SGCD: variants seen among roughly 807,000 people sequenced by gnomAD.
SGCD encodes the protein sarcoglycan delta, also known as delta-sarcoglycan.
Under a neutral mutation model 36.6 loss-of-function variants are expected in SGCD, and 18 were observed. That is an observed-to-expected ratio of 0.49 (90% CI 0.34 to 0.73). The LOEUF is 0.73. SGCD is among the 30% of genes least tolerant of loss of function. The pLI is 0.01. For synonymous variants in SGCD, 133 were observed against 130.6 expected, an observed-to-expected ratio of 1.02 and a Z score of -0.12; for missense variants, 387 against 346.7, an observed-to-expected ratio of 1.12 and a Z score of -0.92.
chr5:156,444,889 A>T (rs954861251), intron 3 of SGCD, among the ~76,000 whole-genome samples: 1 of 152,182 alleles, frequency 6.6e-6, no homozygotes, highest in Non-Finnish European at 1.5e-5. Flanking sequence ...AAAGACACTA[A>T]ATGGGATAGA....
the SGCD span, among the ~76,000 whole-genome samples, chr5:155,733,592 A>G: frequency 6.6e-6 from 1 of 151,872 alleles, no homozygotes; most frequent in African/African-American, 2.4e-5. Flanking sequence ...AAACCAAGGA[A>G]TACCTTATAT....
At position 156,444,101 on chromosome 5, in the gene SGCD, TCTCTCTCTCTCTCTCC is replaced by T. The variant is rs1259477002; in HGVS notation, c.193-64498_193-64483del. Among the ~76,000 whole-genome samples the T allele has an allele frequency of 7.3e-3, 821 of 112,400 alleles. 29 individuals are homozygous for T. Among genetic ancestry groups the T allele is most frequent in the African/African-American group, 0.033 (751 of 22,532 alleles). The allele number at this position is 112,400 out of a possible 152,430, so 73.7% of individuals were successfully genotyped here. ...CTCTCTCTCTCTCTCTCTCTCTCTC[TCTCTCTCTCTCTCTCC>T]CCTTCCCTCTCTCTCTCTCTCCTTC... On this transcript the variant is annotated intron_variant, in intron 3 of 8. Transcript: ENST00000337851.
At chr5:156,314,893 T>A (rs1767475358) in intron 3 of SGCD, among the ~76,000 whole-genome samples, 1 of 152,000 alleles carries the variant, frequency 6.6e-6, no homozygotes, top group African/African-American at 2.4e-5. Context: ...TTCAGTTACA[T>A]TACTTTTTCC....
At chr5:156,369,727 G>A (rs1033139171) in intron 3 of SGCD, among the ~76,000 whole-genome samples, 8 of 152,208 alleles carry the variant, frequency 5.3e-5, no homozygotes, top group South Asian at 2.1e-4. Flanking sequence ...TGCAAACTCC[G>A]GACAGTCAGT....
At chr5:156,568,843 G>T (rs376687742) in intron 4 of SGCD, among the ~76,000 whole-genome samples, 1 of 152,188 alleles carries the variant, frequency 6.6e-6, no homozygotes, top group Non-Finnish European at 1.5e-5. Context: ...ATTGAACTAC[G>T]CATTGCTAAT....
chr5:156,508,803 G>A lies in SGCD; in HGVS notation c.294+101G>A, dbSNP rs554357213. The A allele has an allele frequency of 5.7e-4, 358 of 629,900 alleles. 8 individuals carry two copies. The South Asian group carries it at 8.7e-3, about 15-fold the overall frequency. 39.0% of individuals were successfully genotyped at this position (629,900 alleles called of 1,614,324 possible). A position where few individuals can be genotyped will look rare whatever the true frequency, so the allele number is the denominator to read the frequency against. On this transcript the variant is annotated intron_variant, in intron 4 of 8. Coordinates refer to ENST00000337851, the MANE Select transcript of SGCD (RefSeq NM_000337.6). The stretch of plus-strand genomic sequence containing the variant: ...GCTGAGTACAGAGAATTGGGGTGGG[G>A]AGTAATACTGGTATTAAGATGAATT...
chr5:155,860,046 A>G, the SGCD span, among the ~76,000 whole-genome samples: 1 of 152,200 alleles, frequency 6.6e-6, no homozygotes, highest in Non-Finnish European at 1.5e-5. Context: ...CTGTAAATAC[A>G]GTGCTCTTTG....
At chr5:156,033,046 C>T (rs556777027) in intron 1 of SGCD, among the ~76,000 whole-genome samples, 15 of 151,968 alleles carry the variant, frequency 9.9e-5, no homozygotes, top group African/African-American at 2.2e-4. Context: ...CACCATACTC[C>T]AGCCTGGGAG....
intron 3 of SGCD, among the ~76,000 whole-genome samples, chr5:156,302,926 G>T (rs2127685449): frequency 6.6e-6 from 1 of 152,320 alleles, no homozygotes; most frequent in East Asian, 1.9e-4. Flanking sequence ...CCCAAAGTCA[G>T]CATAGTACTA....
At chr5:156,694,874 C>A (rs1259383729) in intron 7 of SGCD, among the ~76,000 whole-genome samples, 2 of 152,026 alleles carry the variant, frequency 1.3e-5, no homozygotes, top group African/African-American at 2.4e-5. Context: ...TGGTGCTACA[C>A]CAAAACAACC....
At chr5:156,159,979 G>A (rs1276644421) in intron 3 of SGCD, among the ~76,000 whole-genome samples, 2 of 151,540 alleles carry the variant, frequency 1.3e-5, no homozygotes, top group Non-Finnish European at 2.9e-5. Context: ...GAGTTTGAAA[G>A]AAAATAGCAA....
chr5:156,651,495 T>A (rs1763458204), intron 7 of SGCD, among the ~76,000 whole-genome samples: 2 of 152,074 alleles, frequency 1.3e-5, no homozygotes. Context: ...AAGGTAGGAG[T>A]CCAGTTTTAT....
At chr5:156,485,318 G>T (rs762797759) in intron 3 of SGCD, among the ~76,000 whole-genome samples, 47 of 152,214 alleles carry the variant, frequency 3.1e-4, no homozygotes, top group Middle Eastern at 3.4e-3. Flanking sequence ...AAAGTATATA[G>T]AGAGAGCCAT....
chr5:155,975,285 A>G (rs1251184762), intron 1 of SGCD, among the ~76,000 whole-genome samples: 2 of 152,132 alleles, frequency 1.3e-5, no homozygotes, highest in Admixed American at 6.5e-5. Context: ...GTGATTAAAT[A>G]ACTTGCCTAA....
intron 1 of SGCD, among the ~76,000 whole-genome samples, chr5:155,906,337 C>T (rs1433454469): frequency 8.5e-5 from 13 of 152,050 alleles, no homozygotes; most frequent in Admixed American, 8.5e-4. Context: ...ACAGTGTCCT[C>T]TAAGTATTCA....
chr5:155,751,964 G>A, the SGCD span, among the ~76,000 whole-genome samples: 1 of 152,242 alleles, frequency 6.6e-6, no homozygotes, highest in Middle Eastern at 3.4e-3. Context: ...GACTGTTTGT[G>A]TATGCTAAAC....
At chr5:155,788,682 C>T in the SGCD span, among the ~76,000 whole-genome samples, 10 of 152,128 alleles carry the variant, frequency 6.6e-5, no homozygotes, top group South Asian at 2.1e-4. Context: ...GCCTTTTAAG[C>T]GTATGCCAAG....
intron 1 of SGCD, among the ~76,000 whole-genome samples, chr5:156,004,080 TAAG>T (rs1315100413): frequency 6.6e-6 from 1 of 152,180 alleles, no homozygotes; most frequent in African/African-American, 2.4e-5. Flanking sequence ...AGAAGAAAAT[TAAG>T]AAATTCTCTT....
intron 7 of SGCD, among the ~76,000 whole-genome samples, chr5:156,648,063 C>A (rs1436226590): frequency 1.3e-5 from 2 of 152,048 alleles, no homozygotes; most frequent in East Asian, 1.9e-4. Flanking sequence ...GTACTCACCA[C>A]CAGCAACTAA....
Sources: allele counts gnomAD v4.1 joint callset (sites outside exome capture counted in the v4.1 genomes callset), GRCh38; gene constraint gnomAD v4.1.1; transcripts MANE v1.5; gene names NCBI Gene and HGNC (gene_info 2026-07-23, HGNC 2026-07-21).